Variants in TMEM131 observed in about 807,000 individuals in gnomAD.
TMEM131 encodes the protein transmembrane protein 131, also known as 2610524E03Rik.
A neutral mutation model predicts 211.6 loss-of-function variants in TMEM131; 66 were observed. The ratio of observed to expected loss-of-function variants is 0.31; its 90% CI spans 0.26 to 0.38. The LOEUF (loss-of-function observed/expected upper bound fraction) is 0.38. Ranked by LOEUF, TMEM131 falls within the 10% of genes least tolerant of loss-of-function variation. The pLI is 1.00. For missense variants in TMEM131, 2,036 were observed against 2,299.3 expected (o/e 0.89, Z 2.34); for synonymous variants, 844 against 841.3 (o/e 1.00, Z -0.06).
At chr2:97,856,991 G>C (rs1036052562) in intron 5 of TMEM131, among the ~76,000 whole-genome samples, 22 of 152,100 alleles carry the variant, frequency 1.4e-4, no homozygotes, top group Non-Finnish European at 1.9e-4. Context: ...CTTGTTCCTT[G>C]ATTACCTACA....
rs1480740854 is a variant in TMEM131 at position 97,834,820 on chromosome 2, T to C, written c.910A>G (p.Ser304Gly). 6.2e-7 allele frequency: 1 copy of C among 1,613,896 alleles called. No individual in the cohort carries two copies. Among genetic ancestry groups the C allele is most frequent in the Non-Finnish European group, 8.5e-7 (1 of 1,179,828 alleles). Residue 304 changes from serine to glycine, a missense_variant, in exon 9 of 41, where the codon AGC (serine) becomes GGC (glycine). Physicochemically the swap from Ser to Gly is moderately conservative, Grantham distance 56 (BLOSUM62 0). This residue lies in a region of TMEM131 where 277 missense variants were observed against 378.0 expected (regional missense o/e 0.73). Transcript: ENST00000186436. The stretch of plus-strand genomic sequence containing the variant: ...ACAGGAAGAATGATAAACTCTGTGC[T>C]GTCTGAAGCATTAGTCTTTATTCTT... ...FIRIKTNASD[S>G]TEFIILPVEV...
chr2:97,775,742 A>T, intron 32 of TMEM131, 101 bp downstream of exon 32: 2 of 1,298,176 alleles, frequency 1.5e-6, no homozygotes, highest in Non-Finnish European at 2.1e-6. Flanking sequence ...TTTAAACATT[A>T]CTTTTGTACT....
chr2:97,970,512 G>A (rs1307990272), intron 1 of TMEM131, among the ~76,000 whole-genome samples: 1 of 152,166 alleles, frequency 6.6e-6, no homozygotes, highest in African/African-American at 2.4e-5. Context: ...AGTTGAGAAA[G>A]GTCCACAAAT....
chr2:97,796,487 T>C, intron 27 of TMEM131, 83 bp from the exon 28 acceptor site: 6 of 864,482 alleles, frequency 6.9e-6, no homozygotes, highest in Non-Finnish European at 1.1e-5. Flanking sequence ...TATTCATGAA[T>C]TACTATATGT....
chr2:97,908,851 A>C (rs1454801534), intron 2 of TMEM131, among the ~76,000 whole-genome samples, 153 bp from the exon 3 acceptor site: 1 of 152,236 alleles, frequency 6.6e-6, no homozygotes, highest in East Asian at 1.9e-4. Flanking sequence ...ATCACATACA[A>C]TGACTAGATC....
At chr2:97,827,567 C>T (rs1054561625) in intron 11 of TMEM131, 18 of 896,406 alleles carry the variant, frequency 2.0e-5, no homozygotes, top group Non-Finnish European at 3.2e-5. Context: ...TATACCATGT[C>T]TTATCAGTGG....
At chr2:97,832,192 G>T (rs1466685744) in intron 11 of TMEM131, among the ~76,000 whole-genome samples, 11 of 152,018 alleles carry the variant, frequency 7.2e-5, no homozygotes, top group African/African-American at 2.7e-4. Context: ...ATAAGAAAAA[G>T]GACAAACATG....
At chr2:97,993,633 G>C (rs1478655903) in intron 1 of TMEM131, among the ~76,000 whole-genome samples, 1 of 152,154 alleles carries the variant, frequency 6.6e-6, no homozygotes, top group African/African-American at 2.4e-5. Flanking sequence ...GGGCCACAAA[G>C]GATATCTGAT....
At position 97,812,553 on chromosome 2, in the gene TMEM131, C is replaced by A. The variant is rs749914476; in HGVS notation, c.1731G>T (p.Leu577Phe). The A allele has an allele frequency of 2.5e-6, 4 of 1,596,052 alleles. No individual in the cohort carries two copies. The highest frequency in any genetic ancestry group is 3.4e-6 in the Non-Finnish European group (4 of 1,174,492). The change falls in exon 17 of 41, where the codon TTG becomes TTT. Residue 577 changes from leucine to phenylalanine, a missense_variant and splice_region_variant. Transcript: ENST00000186436. ...FAIINSNPIELAIKSWHIIGD... is the reference protein window; with the variant it reads ...FAIINSNPIEFAIKSWHIIGD... ...CTATGATATGCCAACTTTTTATAGC[C>A]AACTTTAAAAAAAGATATGAAAATG...
At chr2:97,835,798 T>G (rs906992705) in intron 8 of TMEM131, among the ~76,000 whole-genome samples, 6 of 152,202 alleles carry the variant, frequency 3.9e-5, no homozygotes, top group African/African-American at 1.4e-4. Flanking sequence ...TACACCGAAA[T>G]AGGCTGGAGG....
intron 25 of TMEM131, among the ~76,000 whole-genome samples, chr2:97,800,323 TCTTA>T (rs1201974542): frequency 2.6e-5 from 4 of 152,360 alleles, no homozygotes; most frequent in Admixed American, 6.5e-5. Flanking sequence ...TCTAGAGTAC[TCTTA>T]CTTATTTTCC....
chr2:97,931,540 A>T (rs1559455966), intron 1 of TMEM131, among the ~76,000 whole-genome samples: 1 of 152,202 alleles, frequency 6.6e-6, no homozygotes. Flanking sequence ...CAATTTTAAT[A>T]CATCTAAAAT....
At chr2:97,881,785 TC>T (rs1674946405) in intron 4 of TMEM131, among the ~76,000 whole-genome samples, 1 of 151,394 alleles carries the variant, frequency 6.6e-6, no homozygotes, top group Non-Finnish European at 1.5e-5. Flanking sequence ...GAGGGGCCAT[TC>T]TGTATTACAG....
intron 1 of TMEM131, among the ~76,000 whole-genome samples, chr2:97,988,322 A>C (rs1680117664): frequency 6.6e-6 from 1 of 152,256 alleles, no homozygotes; most frequent in Non-Finnish European, 1.5e-5. Flanking sequence ...AAATGGGTTA[A>C]AGACCGAAAC....
intron 1 of TMEM131, among the ~76,000 whole-genome samples, chr2:97,974,291 T>C (rs1046231087): frequency 6.6e-6 from 1 of 151,922 alleles, no homozygotes; most frequent in African/African-American, 2.4e-5. Context: ...CCATCCAAAA[T>C]GGAACACGCA....
chr2:97,836,983 T>C, intron 8 of TMEM131, 94 bp downstream of exon 8: 1 of 937,878 alleles, frequency 1.1e-6, no homozygotes, highest in Non-Finnish European at 1.7e-6. Flanking sequence ...GTCATCCATA[T>C]TTGTTAAGCC....
intron 1 of TMEM131, among the ~76,000 whole-genome samples, chr2:97,990,196 T>C (rs1206292602): frequency 6.6e-6 from 1 of 152,222 alleles, no homozygotes; most frequent in East Asian, 1.9e-4. Flanking sequence ...CAAATATTCA[T>C]TTCCCTGTAT....
rs1188435877 is a variant in TMEM131, at chr2:97,766,525, G to C, written c.4526C>G (p.Thr1509Ser). 1 of 1,613,932 alleles carries C rather than the reference G, an allele frequency of 6.2e-7. No homozygotes were observed. Among genetic ancestry groups the C allele is most frequent in the Non-Finnish European group, 8.5e-7 (1 of 1,179,892 alleles). ...TGATTTGGATCCACTTGTCATTGCA[G>C]TTGGAAGAGGAATCTTGCTTGGGAG... ...RNLPSKIPLP[T>S]AMTSGSKSRN... is the part of the protein sequence containing the mutation. Residue 1509 changes from threonine (T) to serine (S), a missense_variant, in exon 34 of 41, where the codon ACT (threonine) becomes AGT (serine). Transcript: ENST00000186436.
rs116894852 is a variant in TMEM131, at chr2:97,943,335, C to T, written c.188-15848G>A. On this transcript the variant is annotated intron_variant, in intron 1 of 40. Transcript: ENST00000186436. ...ATATGAAGCAATTCATACCCTGATACATAAATCAGACACGGTCATCACAAG... is the reference window on the plus strand; with the variant it reads ...ATATGAAGCAATTCATACCCTGATATATAAATCAGACACGGTCATCACAAG... Among the ~76,000 whole-genome samples, 488 of 152,260 alleles carry T rather than the reference C, an allele frequency of 3.2e-3. 7 individuals are homozygous for T. In the East Asian group the frequency reaches 0.04, roughly 13 times the overall value.
Sources: gnomAD v4.1 joint callset for allele counts (sites outside exome capture counted in the v4.1 genomes callset) on GRCh38, gnomAD v4.1.1 for gene constraint, gnomAD v4.1.1 regional missense constraint, MANE v1.5 for transcripts, NCBI Gene and HGNC (gene_info 2026-07-23, HGNC 2026-07-21) for gene names.